Variants in CDC20B observed in about 807,000 individuals in gnomAD.
The protein encoded by CDC20B is cell division cycle protein 20 homolog B.
In CDC20B, 58 loss-of-function variants were observed where a neutral mutation model predicts 64.1. That is an observed-to-expected ratio of 0.90 (90% confidence interval 0.73 to 1.13). CDC20B has a LOEUF of 1.13. Among genes scored for constraint, CDC20B ranks in the 50% most tolerant of loss-of-function variants. The pLI is 0.00. For missense variants in CDC20B, 597 were observed against 633.0 expected (o/e 0.94, Z 0.61); for synonymous variants, 243 against 230.6 (o/e 1.05, Z -0.49).
chr5:55,130,298 A>G (rs1194344036), intron 6 of CDC20B, among the ~76,000 whole-genome samples: 1 of 152,214 alleles, frequency 6.6e-6, no homozygotes, highest in East Asian at 1.9e-4. Flanking sequence ...GAAAGAGTAA[A>G]CTTGAATATA....
At chr5:55,161,461 G>T (rs1744060054) in intron 2 of CDC20B, among the ~76,000 whole-genome samples, 1 of 152,140 alleles carries the variant, frequency 6.6e-6, no homozygotes, top group South Asian at 2.1e-4. Flanking sequence ...GATGGTAAAA[G>T]AATTCTATTC....
chr5:55,143,731 A>G, intron 3 of CDC20B, 88 bp from the exon 4 acceptor site: 8 of 1,323,172 alleles, frequency 6.0e-6, no homozygotes, highest in Non-Finnish European at 8.3e-6. Context: ...TCTTTCACAG[A>G]AGGACAGAGT....
intron 2 of CDC20B, among the ~76,000 whole-genome samples, chr5:55,149,606 G>C (rs780770454): frequency 1.3e-5 from 2 of 152,216 alleles, no homozygotes; most frequent in African/African-American, 2.4e-5. Flanking sequence ...AGCCAGACAG[G>C]AAAGGTCACA....
intron 2 of CDC20B, among the ~76,000 whole-genome samples, chr5:55,158,184 G>A (rs1464031802): frequency 6.6e-6 from 1 of 152,126 alleles, no homozygotes; most frequent in African/African-American, 2.4e-5. Context: ...AAAATGCTGT[G>A]TTTCTAACAA....
intron 6 of CDC20B, among the ~76,000 whole-genome samples, chr5:55,129,066 G>A (rs1023621309): frequency 5.3e-5 from 8 of 152,056 alleles, no homozygotes; most frequent in Non-Finnish European, 1.2e-4. Flanking sequence ...ATACCTACAC[G>A]TTCTCAACAG....
chr5:55,159,545 A>G (rs1312026383), intron 2 of CDC20B, among the ~76,000 whole-genome samples: 4 of 152,180 alleles, frequency 2.6e-5, no homozygotes, highest in East Asian at 3.8e-4. Context: ...AGTTTGCTCT[A>G]TGATAGAGAA....
At chr5:55,138,668 T>C (rs1005339943) in intron 5 of CDC20B, among the ~76,000 whole-genome samples, 8 of 148,488 alleles carry the variant, frequency 5.4e-5, no homozygotes, top group African/African-American at 2.0e-4. Context: ...TAAAAATCTA[T>C]AAAATAATAT....
intron 7 of CDC20B, among the ~76,000 whole-genome samples, chr5:55,127,665 TTG>T (rs1742929038): frequency 6.6e-6 from 1 of 152,188 alleles, no homozygotes; most frequent in African/African-American, 2.4e-5. Flanking sequence ...TCCTTCTAAA[TTG>T]TGAGAATTCC....
In CDC20B at chr5:55,146,646, T is replaced by A. The variant is rs763752758; in HGVS notation, c.337A>T (p.Lys113Ter). 3.1e-5 allele frequency: 50 copies of A among 1,613,940 alleles called. No homozygotes were observed. The highest frequency in any genetic ancestry group is 4.2e-5 in the Non-Finnish European group (50 of 1,179,950). Residue 113 changes from lysine (K) to a stop codon, truncating the protein, a stop_gained, in exon 3 of 12, where the codon AAA becomes TAA. Coordinates refer to ENST00000381375, the MANE Select transcript of CDC20B (RefSeq NM_001170402.1). LOFTEE classifies it high-confidence loss of function. ...ACCTCACCTAGAGTCAAGGTCTCTT[T>A]CTCAGGCGGTGTCTTCAGCACTGAT... Reference protein sequence around the residue: ...SGSVLKTPPEKETLTLGSRKE... With the variant: ...SGSVLKTPPE
intron 9 of CDC20B, among the ~76,000 whole-genome samples, chr5:55,122,332 C>T (rs1011738431): frequency 6.6e-6 from 1 of 151,640 alleles, no homozygotes; most frequent in Non-Finnish European, 1.5e-5. Flanking sequence ...TGCAGTGCTA[C>T]CACAAAGGGT....
At chr5:55,166,274 T>C (rs970833336) in intron 2 of CDC20B, 8 of 152,246 alleles carry the variant, frequency 5.3e-5, no homozygotes, top group African/African-American at 1.9e-4. Context: ...CCAGTCAACA[T>C]GATACAGATG....
At chr5:55,172,749 C>CTTTTTTTT in intron 1 of CDC20B, 99 bp from the exon 2 acceptor site, 3 of 534,664 alleles carry the variant, frequency 5.6e-6, no homozygotes, top group South Asian at 2.4e-5. Flanking sequence ...TCAGATTACA[C>CTTTTTTTT]TTTTTTTTTT....
In CDC20B at chr5:55,116,637, G is replaced by C. The variant is rs556269447; in HGVS notation, c.1460-2319C>G. On this transcript the variant is annotated intron_variant, in intron 11 of 11. Transcript: ENST00000381375. ...TAATTTTTGTAATTTTTCTAGAAAT[G>C]GAGTCTCACCATGTTGCCCAGGCTG... 3.6e-3 allele frequency among the ~76,000 whole-genome samples: 554 copies of C among 152,176 alleles called. 2 individuals are homozygous for C. The highest frequency in any genetic ancestry group is 6.1e-3 in the Non-Finnish European group (412 of 67,986).
chr5:55,150,936 G>A (rs536013045), intron 2 of CDC20B, among the ~76,000 whole-genome samples: 26 of 152,160 alleles, frequency 1.7e-4, no homozygotes, highest in South Asian at 1.7e-3. Context: ...TGGAGAGACG[G>A]GGTTTCACCA....
At chr5:55,121,965 T>C (rs1742769550) in intron 9 of CDC20B, among the ~76,000 whole-genome samples, 1 of 152,200 alleles carries the variant, frequency 6.6e-6, no homozygotes, top group Non-Finnish European at 1.5e-5. Flanking sequence ...GCTCTCATTC[T>C]TCATTTAACC....
intron 2 of CDC20B, among the ~76,000 whole-genome samples, chr5:55,161,648 C>T (rs183106727): frequency 1.3e-5 from 2 of 152,320 alleles, no homozygotes; most frequent in South Asian, 2.1e-4. Context: ...TATTAGTTAA[C>T]ATATGTTTGT....
chr5:55,150,295 G>A (rs767064340), intron 2 of CDC20B, among the ~76,000 whole-genome samples: 29 of 152,190 alleles, frequency 1.9e-4, no homozygotes, highest in Non-Finnish European at 4.1e-4. Context: ...CTATAAAAGA[G>A]TATTCCAATA....
intron 8 of CDC20B, among the ~76,000 whole-genome samples, chr5:55,127,040 T>A (rs1444690209): frequency 6.6e-6 from 1 of 152,210 alleles, no homozygotes; most frequent in Non-Finnish European, 1.5e-5. Context: ...GTGCATCCCA[T>A]GCAGAAGGCA....
chr5:55,135,634 C>T (rs1415140558), intron 5 of CDC20B: 1 of 152,028 alleles, frequency 6.6e-6, no homozygotes, highest in African/African-American at 2.4e-5. Flanking sequence ...TAAACATGCA[C>T]AAAGTTCTAG....
Sources: allele counts gnomAD v4.1 joint callset (sites outside exome capture counted in the v4.1 genomes callset), GRCh38; gene constraint gnomAD v4.1.1; transcripts MANE v1.5; gene names NCBI Gene and HGNC (gene_info 2026-07-23, HGNC 2026-07-21).